The following DYNC2H1 variants were observed in gnomAD, a reference collection of about 807,000 sequenced individuals.
DYNC2H1 encodes the protein cytoplasmic dynein 2 heavy chain 1.
Under a neutral mutation model 570.0 loss-of-function variants are expected in DYNC2H1, and 410 were observed. That is an observed-to-expected ratio of 0.72 (90% CI 0.66 to 0.78). The LOEUF is 0.78. Ranked by LOEUF, DYNC2H1 falls within the 30% of genes least tolerant of loss-of-function variation. The pLI is 0.00. For synonymous variants in DYNC2H1, 1,688 were observed against 1,677.6 expected (o/e 1.01, Z -0.15); for missense variants, 4,865 against 5,046.4 (o/e 0.96, Z 1.09).
intron 31 of DYNC2H1, among the ~76,000 whole-genome samples, chr11:103,167,686 A>G (rs1050370924): frequency 2.6e-5 from 4 of 152,170 alleles, no homozygotes; most frequent in South Asian, 2.1e-4. Context: ...TGCATGTTGA[A>G]TAATTTTGGA....
chr11:103,400,949 A>C lies in DYNC2H1; in HGVS notation c.12366+1077A>C, dbSNP rs144950406. 1.3e-4 allele frequency among the ~76,000 whole-genome samples: 20 copies of C among 152,288 alleles called. No individual in the cohort carries two copies. The East Asian group carries it at 3.9e-3, about 29-fold the overall frequency. On this transcript the variant is annotated intron_variant, in intron 84 of 88. Coordinates refer to ENST00000375735, the MANE Select transcript of DYNC2H1 (RefSeq NM_001377.3). ...AATCAACCATGATTATCAAAATACT[A>C]TAGTTTTGATTTGTACCACAGATTG...
rs1861855454 is a variant in DYNC2H1 at position 103,181,703 on chromosome 11, T to C, written c.6348-54T>C. On this transcript the variant is annotated intron_variant, in intron 39 of 88. Coordinates refer to ENST00000375735, the MANE Select transcript of DYNC2H1 (RefSeq NM_001377.3). The surrounding 1 kb of genome is among the most constrained non-coding windows in gnomAD (Gnocchi z 5.0). ...TTATTGGAGAAGAAATTTATTTTAATGTAAATTGATAATTTCTTCCTAAGT... is the reference window on the plus strand; with the variant it reads ...TTATTGGAGAAGAAATTTATTTTAACGTAAATTGATAATTTCTTCCTAAGT... The C allele has an allele frequency of 6.8e-7, 1 of 1,463,950 alleles. No homozygotes were observed. Among genetic ancestry groups the C allele is most frequent in the Non-Finnish European group, 9.2e-7 (1 of 1,089,664 alleles). 90.7% of individuals were successfully genotyped at this position (1,463,950 alleles called of 1,614,324 possible).
chr11:103,397,827 C>T (rs1331199669), intron 83 of DYNC2H1, among the ~76,000 whole-genome samples: 8 of 151,998 alleles, frequency 5.3e-5, no homozygotes, highest in East Asian at 1.9e-4. Flanking sequence ...CCCAGGAGGT[C>T]GAGGCTGCAG....
chr11:103,391,693 G>A (rs1247426316), intron 83 of DYNC2H1, among the ~76,000 whole-genome samples: 1 of 152,234 alleles, frequency 6.6e-6, no homozygotes, highest in Non-Finnish European at 1.5e-5. Flanking sequence ...TGTCCCTTCT[G>A]TTTGTTAGTT....
At chr11:103,251,784 T>A (rs925732624) in intron 65 of DYNC2H1, among the ~76,000 whole-genome samples, 11 of 152,238 alleles carry the variant, frequency 7.2e-5, no homozygotes, top group African/African-American at 2.7e-4. Flanking sequence ...TTTCTGTGTC[T>A]GGCCTACTTT....
At chr11:103,342,151 T>G (rs1939473140) in intron 82 of DYNC2H1, among the ~76,000 whole-genome samples, 1 of 152,010 alleles carries the variant, frequency 6.6e-6, no homozygotes, top group African/African-American at 2.4e-5. Context: ...CTTGGAAAAC[T>G]TTTCTGTCTT....
Position 103,189,564 on chromosome 11 carries a change from G to T in DYNC2H1, c.7293-108G>T. ...CCTGGGTAAGCTTTGGAGATATGTA[G>T]GTCTTAGAGCAGCACAGTTTCAAAA... On this transcript the variant is annotated intron_variant, in intron 44 of 88. Coordinates refer to ENST00000375735, the MANE Select transcript of DYNC2H1 (RefSeq NM_001377.3). This position sits in a 1 kb window ranked among gnomAD's most constrained non-coding sequence, Gnocchi z 4.3. The T allele has an allele frequency of 9.5e-7, 1 of 1,054,364 alleles. No individual in the cohort carries two copies. 65.3% of individuals were successfully genotyped at this position (1,054,364 alleles called of 1,614,324 possible).
rs867250854 is a variant in DYNC2H1, at chr11:103,256,326, A to C, written c.10461+86A>C. On this transcript the variant is annotated intron_variant, in intron 68 of 88. Transcript: ENST00000375735. The surrounding 1 kb of genome is among the most constrained non-coding windows in gnomAD (Gnocchi z 4.0). Reference sequence around the variant, plus strand: ...ATAGAAAATGTAGAATCAGGTCCTCAGGGGAAAGATGATGTGAAAAGAAAA... The same window carrying C: ...ATAGAAAATGTAGAATCAGGTCCTCCGGGGAAAGATGATGTGAAAAGAAAA... The C allele has an allele frequency of 7.6e-7, 1 of 1,318,550 alleles. No homozygotes were observed. The highest frequency in any genetic ancestry group is 2.5e-4 in the Middle Eastern group (1 of 4,022). 81.7% of individuals were successfully genotyped at this position (1,318,550 alleles called of 1,614,324 possible). A position where few individuals can be genotyped will look rare whatever the true frequency, so the allele number is the denominator to read the frequency against.
chr11:103,286,137 G>GT, intron 73 of DYNC2H1, 118 bp from the exon 74 acceptor site: 1 of 1,339,748 alleles, frequency 7.5e-7, no homozygotes, highest in East Asian at 2.3e-5. Context: ...GCAACACAAA[G>GT]TAGAAGAGTA....
chr11:103,376,940 T>C (rs575189763), intron 83 of DYNC2H1, among the ~76,000 whole-genome samples: 6 of 152,370 alleles, frequency 3.9e-5, no homozygotes, highest in African/African-American at 1.4e-4. Context: ...TTCTCAGTAC[T>C]TTCTCTTCCT....
In DYNC2H1 at chr11:103,286,285, T is replaced by C. The variant is rs1866348767; in HGVS notation, c.10921T>C (p.Cys3641Arg). 2 of 1,613,832 alleles carry C rather than the reference T, an allele frequency of 1.2e-6. No individual in the cohort carries two copies. Among genetic ancestry groups the C allele is most frequent in the African/African-American group, 2.7e-5 (2 of 75,056 alleles). Residue 3641 changes from cysteine to arginine, a missense_variant, in exon 74 of 89, where the codon TGC becomes CGC. This residue lies in a region of DYNC2H1 where 2,401 missense variants were observed against 2,454.6 expected (regional missense o/e 0.98). Transcript: ENST00000375735. ...TCTCCCCAGTCTTTATCAGACCCTC[T>C]GCTTTGAAGATGCAGCTCTGTGGCG... ...IALPSLYQTL[C>R]FEDAALWRTY...
chr11:103,447,351 C>G (rs1273504770), intron 85 of DYNC2H1, among the ~76,000 whole-genome samples: 2 of 148,804 alleles, frequency 1.3e-5, no homozygotes, highest in African/African-American at 5.0e-5. Context: ...AAGACTATGT[C>G]TATTAACTTA....
chr11:103,257,875 A>T (rs1368367040), intron 69 of DYNC2H1, 124 bp downstream of exon 69: 2 of 1,048,266 alleles, frequency 1.9e-6, no homozygotes, highest in Non-Finnish European at 2.5e-6. Context: ...AAAAGACCAC[A>T]TGTAACACTT....
At chr11:103,362,305 T>TATTA (rs1272448386) in intron 83 of DYNC2H1, among the ~76,000 whole-genome samples, 2 of 146,796 alleles carry the variant, frequency 1.4e-5, no homozygotes, top group Non-Finnish European at 3.0e-5. Flanking sequence ...GCTTCTTAAA[T>TATTA]ATATTAATTT....
intron 79 of DYNC2H1, among the ~76,000 whole-genome samples, chr11:103,314,188 G>C (rs1937680338): frequency 2.6e-5 from 4 of 152,012 alleles, no homozygotes; most frequent in Admixed American, 2.6e-4. Flanking sequence ...TTCTGAGAGG[G>C]TCCACTATTA....
chr11:103,391,549 T>C (rs1240793702), intron 83 of DYNC2H1, among the ~76,000 whole-genome samples: 1 of 152,226 alleles, frequency 6.6e-6, no homozygotes, highest in Non-Finnish European at 1.5e-5. Context: ...AGGAGCTGTG[T>C]TCCTTTGGAA....
chr11:103,444,500 A>G (rs1455289305), intron 85 of DYNC2H1, among the ~76,000 whole-genome samples: 2 of 152,164 alleles, frequency 1.3e-5, no homozygotes, highest in African/African-American at 4.8e-5. Flanking sequence ...TAAAGTAAGC[A>G]TCTGTTTGTT....
chr11:103,229,163 T>G (rs749118976), intron 59 of DYNC2H1, among the ~76,000 whole-genome samples: 4 of 152,204 alleles, frequency 2.6e-5, no homozygotes, highest in Admixed American at 1.3e-4. Flanking sequence ...ACCATGAGCC[T>G]TCTGTTGAGA....
At chr11:103,295,546 T>C (rs1866784459) in intron 75 of DYNC2H1, among the ~76,000 whole-genome samples, 1 of 152,218 alleles carries the variant, frequency 6.6e-6, no homozygotes, top group Admixed American at 6.5e-5. Flanking sequence ...CTGTAACTAA[T>C]AACTTCAAGT....
Sources: allele counts gnomAD v4.1 joint callset (sites outside exome capture counted in the v4.1 genomes callset), GRCh38; gene constraint gnomAD v4.1.1; regional missense constraint gnomAD v4.1.1; non-coding constraint Gnocchi (gnomAD v3.1); transcripts MANE v1.5; gene names NCBI Gene and HGNC (gene_info 2026-07-23, HGNC 2026-07-21).